PARN: variants seen among roughly 807,000 people sequenced by gnomAD.
PARN encodes poly(A)-specific ribonuclease PARN.
A neutral mutation model predicts 102.8 loss-of-function variants in PARN; 71 were observed. The observed-to-expected ratio is 0.69, with a 90% confidence interval of 0.57 to 0.84. PARN has a LOEUF of 0.84. Ranked by LOEUF, PARN falls within the 40% of genes least tolerant of loss-of-function variation. The pLI, the probability that PARN is intolerant of heterozygous loss-of-function variation, is 0.00. For synonymous variants in PARN, 261 were observed against 252.9 expected (o/e 1.03, Z -0.30); for missense variants, 782 against 760.9 (o/e 1.03, Z -0.33).
intron 13 of PARN, among the ~76,000 whole-genome samples, chr16:14,590,284 A>AC (rs1196516571): frequency 6.6e-6 from 1 of 151,126 alleles, no homozygotes; most frequent in African/African-American, 2.4e-5. Flanking sequence ...GAAAAAAAAA[A>AC]AAAAACAGAA....
chr16:14,627,134 G>T lies in PARN; in HGVS notation c.299C>A (p.Ser100Tyr), dbSNP rs759622779. 4 of 1,603,880 alleles carry T rather than the reference G, an allele frequency of 2.5e-6. No homozygotes were observed. The Admixed American group carries it at 5.0e-5, about 20-fold the overall frequency. Residue 100 changes from serine to tyrosine, a missense_variant, in exon 5 of 24, where the codon TCC (serine) becomes TAC (tyrosine). Physicochemically the swap from Ser to Tyr is moderately radical, Grantham distance 144 (BLOSUM62 -2). Coordinates refer to ENST00000437198, the MANE Select transcript of PARN (RefSeq NM_002582.4). ...ACAAACAAATTTGACATCTGGTGAG[G>T]ATCTATTGAAGGGTTTCGGGAAAAC... ...FYVFPKPFNRSSPDVKFVCQS... is the reference protein window; with the variant it reads ...FYVFPKPFNRYSPDVKFVCQS...
At chr16:14,512,859 T>G (rs1195536237) in intron 21 of PARN, among the ~76,000 whole-genome samples, 1 of 152,184 alleles carries the variant, frequency 6.6e-6, no homozygotes, top group South Asian at 2.1e-4. Flanking sequence ...CGGTTTTTGT[T>G]GTGGTTTTTA....
At chr16:14,508,826 G>C (rs1468507978) in intron 21 of PARN, among the ~76,000 whole-genome samples, 1 of 151,372 alleles carries the variant, frequency 6.6e-6, no homozygotes, top group Non-Finnish European at 1.5e-5. Context: ...TTGAGAGGCT[G>C]ATGTGGGAGG....
chr16:14,599,459 TTAAGAA>T (rs1567433481), intron 12 of PARN, among the ~76,000 whole-genome samples: 2 of 152,338 alleles, frequency 1.3e-5, no homozygotes, highest in African/African-American at 2.4e-5. Flanking sequence ...TCAAATATTA[TTAAGAA>T]TAAGATTCAA....
Position 14,482,742 on chromosome 16 carries a change from G to T in PARN, c.1566C>A (p.Ile522=). ...YMGRKQEEKQ[I]KRKWTEDSWK... ...AGCTATCTTCAGTCCACTTTCTTTT[G>T]ATCTGCTTCTCTTCCTGTTTTCTCC... is the stretch of plus-strand genomic sequence containing the variant. The change falls in exon 22 of 24, where the codon ATC becomes ATA. Residue 522 remains isoleucine, a synonymous_variant. Transcript: ENST00000437198. 1.9e-6 allele frequency: 3 copies of T among 1,613,708 alleles called. No homozygotes were observed. The highest frequency in any genetic ancestry group is 2.5e-6 in the Non-Finnish European group (3 of 1,179,734).
chr16:14,495,547 G>T (rs1964272754), intron 21 of PARN, among the ~76,000 whole-genome samples: 1 of 152,226 alleles, frequency 6.6e-6, no homozygotes, highest in Non-Finnish European at 1.5e-5. Flanking sequence ...TGGCAAAGGG[G>T]TCAGAGGGTC....
At chr16:14,518,718 G>C (rs1466542497) in intron 21 of PARN, among the ~76,000 whole-genome samples, 1 of 152,166 alleles carries the variant, frequency 6.6e-6, no homozygotes, top group Non-Finnish European at 1.5e-5. Flanking sequence ...GGATGGAGGA[G>C]ACAGGAATTA....
chr16:14,519,341 TGGAGG>T (rs1209638046), intron 21 of PARN, among the ~76,000 whole-genome samples: 6 of 5,708 alleles, frequency 1.1e-3, no homozygotes, highest in African/African-American at 1.4e-3. Context: ...GAGTGGAGGG[TGGAGG>T]GGAGGGGAGG....
intron 21 of PARN, among the ~76,000 whole-genome samples, chr16:14,495,747 G>C (rs1173205926): frequency 6.6e-6 from 1 of 152,188 alleles, no homozygotes; most frequent in Non-Finnish European, 1.5e-5. Flanking sequence ...GGGTGGGCAT[G>C]GATAAAATGT....
chr16:14,438,720 C>T (rs1018577237), intron 23 of PARN, among the ~76,000 whole-genome samples: 2 of 152,162 alleles, frequency 1.3e-5, no homozygotes, highest in Non-Finnish European at 2.9e-5. Context: ...ATAAGCTGAT[C>T]CAACATGGAA....
chr16:14,617,755 G>C, intron 5 of PARN, 105 bp from the exon 6 acceptor site: 1 of 734,634 alleles, frequency 1.4e-6, no homozygotes, highest in Non-Finnish European at 2.5e-6. Flanking sequence ...AATATGGGAA[G>C]GAAGCGATGT....
rs1466621848 is a variant in PARN, at chr16:14,522,622, T to C, written c.1480+29399A>G. ...GAAAAAAGGGGAAAACAAGACCAGG[T>C]ACAGGGGACAATATCCAGAAGTCAC... On this transcript the variant is annotated intron_variant, in intron 21 of 23. Transcript: ENST00000437198. 2.0e-5 allele frequency among the ~76,000 whole-genome samples: 3 copies of C among 152,092 alleles called. No homozygotes were observed. The East Asian group carries it at 5.8e-4, about 29-fold the overall frequency.
chr16:14,551,994 C>G (rs774341901), intron 21 of PARN, 27 bp downstream of exon 21: 1 of 1,546,526 alleles, frequency 6.5e-7, no homozygotes, highest in East Asian at 2.2e-5. Flanking sequence ...GTATTTAATA[C>G]ACAAAACAGA....
chr16:14,477,238 G>A (rs1417336135), intron 22 of PARN, among the ~76,000 whole-genome samples: 1 of 151,716 alleles, frequency 6.6e-6, no homozygotes, highest in Non-Finnish European at 1.5e-5. Context: ...TCAGGAGTTC[G>A]AGACCAGCCT....
At chr16:14,568,392 T>G (rs1968565640) in intron 18 of PARN, among the ~76,000 whole-genome samples, 1 of 151,036 alleles carries the variant, frequency 6.6e-6, no homozygotes, top group Non-Finnish European at 1.5e-5. Context: ...TTTTTGTATT[T>G]TTAGTAGAGA....
intron 21 of PARN, among the ~76,000 whole-genome samples, chr16:14,518,078 A>G (rs1442832966): frequency 6.6e-6 from 1 of 152,108 alleles, no homozygotes; most frequent in South Asian, 2.1e-4. Flanking sequence ...GGTATTACAT[A>G]ATGGCATATG....
chr16:14,465,056 A>G (rs1029970160), intron 22 of PARN, among the ~76,000 whole-genome samples: 1 of 152,090 alleles, frequency 6.6e-6, no homozygotes, highest in African/African-American at 2.4e-5. Context: ...AATAGATAAG[A>G]TTTCTTTTCC....
intron 18 of PARN, among the ~76,000 whole-genome samples, chr16:14,569,473 C>A (rs964625907): frequency 6.6e-6 from 1 of 152,158 alleles, no homozygotes; most frequent in Middle Eastern, 3.2e-3. Flanking sequence ...GGCATCAATC[C>A]AACCGACCCA....
chr16:14,449,300 T>C (rs988680602), intron 22 of PARN, among the ~76,000 whole-genome samples: 1 of 152,066 alleles, frequency 6.6e-6, no homozygotes, highest in Non-Finnish European at 1.5e-5. Flanking sequence ...AATAATGGTG[T>C]TGGGACAAGC....
Sources: allele counts gnomAD v4.1 joint callset (sites outside exome capture counted in the v4.1 genomes callset), GRCh38; gene constraint gnomAD v4.1.1; transcripts MANE v1.5; gene names NCBI Gene and HGNC (gene_info 2026-07-23, HGNC 2026-07-21).